Variants in DNAAF1 observed in about 807,000 individuals in gnomAD.
DNAAF1 encodes dynein axonemal assembly factor 1, also known as dynein assembly factor 1, axonemal.
Under a neutral mutation model 71.1 loss-of-function variants are expected in DNAAF1, and 65 were observed. The observed-to-expected ratio is 0.91, with a 90% confidence interval of 0.75 to 1.12. The LOEUF is 1.12. Among genes scored for constraint, DNAAF1 ranks in the 50% most tolerant of loss-of-function variants. The pLI is 0.00. For synonymous variants in DNAAF1, 414 were observed against 354.6 expected, an observed-to-expected ratio of 1.17 and a Z score of -1.88; for missense variants, 1,178 against 899.8, an observed-to-expected ratio of 1.31 and a Z score of -3.96.
chr16:84,177,732 CGACT>C lies in DNAAF1; in HGVS notation c.2072_2075del (p.Thr691ArgfsTer43), dbSNP rs1242972150. ...CAGGTCACCCTTCCTTCCACAGTGC[CGACT>C]GAGAGCGCCGCCACACCCCCAGAGA... On this transcript the variant is annotated frameshift_variant, in exon 12 of 12. Transcript: ENST00000378553. LOFTEE classifies it low-confidence loss of function (END_TRUNC). The C allele has an allele frequency of 1.1e-5, 17 of 1,613,602 alleles. 1 individual carries two copies. In the South Asian group the frequency reaches 1.1e-4, roughly 10 times the overall value.
chr16:84,163,640 A>T (rs2087824397), intron 6 of DNAAF1, among the ~76,000 whole-genome samples: 1 of 151,868 alleles, frequency 6.6e-6, no homozygotes, highest in Non-Finnish European at 1.5e-5. Flanking sequence ...CGGCCTCCCA[A>T]AGTGCTAGGA....
At position 84,165,956 on chromosome 16, in the gene DNAAF1, G is replaced by A. The variant is rs375123598; in HGVS notation, c.1030+7G>A. 45 of 1,612,582 alleles carry A rather than the reference G, an allele frequency of 2.8e-5. No homozygotes were observed. The highest frequency in any genetic ancestry group is 3.7e-5 in the Non-Finnish European group (44 of 1,179,682). ...AGAGAGAGTCAAGAGAGAGGTATGCGCTCGGCCGAAGACAACAGCCCCAGA... is the reference window on the plus strand; with the variant it reads ...AGAGAGAGTCAAGAGAGAGGTATGCACTCGGCCGAAGACAACAGCCCCAGA... On this transcript the variant is annotated splice_region_variant and intron_variant, in intron 7 of 11. Transcript: ENST00000378553.
At chr16:84,151,190 T>C (rs1418994358) in intron 3 of DNAAF1, among the ~76,000 whole-genome samples, 1 of 152,114 alleles carries the variant, frequency 6.6e-6, no homozygotes, top group Non-Finnish European at 1.5e-5. Flanking sequence ...CATTGTTCAT[T>C]TGTCTCTTCA....
At chr16:84,149,172 A>G in intron 2 of DNAAF1, 30 bp downstream of exon 2, 2 of 1,613,422 alleles carry the variant, frequency 1.2e-6, no homozygotes, top group Middle Eastern at 1.6e-4. Flanking sequence ...ATTAGTGCAC[A>G]TTTATGGAGT....
chr16:84,154,292 G>A (rs183232650), intron 3 of DNAAF1, among the ~76,000 whole-genome samples: 1 of 152,122 alleles, frequency 6.6e-6, no homozygotes, highest in African/African-American at 2.4e-5. Context: ...TTCGCAGATG[G>A]CACTTTCTTG....
At chr16:84,174,878 C>A in intron 10 of DNAAF1, 156 bp downstream of exon 10, 1 of 1,018,882 alleles carries the variant, frequency 9.8e-7, no homozygotes, top group Non-Finnish European at 1.5e-6. Flanking sequence ...TCTTTTCAGG[C>A]AGAGTCTGGC....
At position 84,155,919 on chromosome 16, in the gene DNAAF1, G is replaced by A. The variant is rs183281434; in HGVS notation, c.741+170G>A. Among the ~76,000 whole-genome samples the A allele has an allele frequency of 6.6e-5, 10 of 151,374 alleles. No individual in the cohort carries two copies. The East Asian group carries it at 1.2e-3, about 18-fold the overall frequency. On this transcript the variant is annotated intron_variant, in intron 5 of 11. Coordinates refer to ENST00000378553, the MANE Select transcript of DNAAF1 (RefSeq NM_178452.6). ...TGGAGTATCTGAAATGCCAGTTATC[G>A]TATTATTTTACCCACAAATAGTTCA... is the stretch of plus-strand genomic sequence containing the variant.
At position 84,154,650 on chromosome 16, in the gene DNAAF1, G is replaced by A; in HGVS notation, c.426G>A (p.Gln142=). 3 of 1,614,180 alleles carry A rather than the reference G, an allele frequency of 1.9e-6. No homozygotes were observed. The highest frequency in any genetic ancestry group is 2.5e-6 in the Non-Finnish European group (3 of 1,180,034). Residue 142 remains glutamine (Q), a synonymous_variant, in exon 4 of 12, where the codon CAG becomes CAA. Transcript: ENST00000378553. ...RCLWLQSNGI[Q]KIENLEAQTE... is the part of the protein sequence containing the mutation. ...TCTGGCTGCAGAGCAATGGAATACA[G>A]AAAATCGAAAACCTGGAGGCCCAAA...
At chr16:84,163,859 C>A (rs929773943) in intron 6 of DNAAF1, among the ~76,000 whole-genome samples, 1 of 144,512 alleles carries the variant, frequency 6.9e-6, no homozygotes, top group Non-Finnish European at 1.5e-5. Context: ...AATTAATAGA[C>A]TTTTTTTTTT....
intron 10 of DNAAF1, 96 bp downstream of exon 10, chr16:84,174,818 T>G: frequency 2.7e-6 from 4 of 1,487,516 alleles, no homozygotes; most frequent in Non-Finnish European, 3.7e-6. Context: ...AAGTAAAATG[T>G]TCCCTGTGCA....
intron 9 of DNAAF1, chr16:84,172,886 A>T (rs547065160): frequency 9.9e-7 from 1 of 1,009,782 alleles, no homozygotes; most frequent in African/African-American, 1.7e-5. Flanking sequence ...CCTTGAGTGA[A>T]TGTTTGATCG....
At position 84,159,669 on chromosome 16, in the gene DNAAF1, T is replaced by C. The variant is rs749307507; in HGVS notation, c.742-6T>C. On this transcript the variant is annotated splice_polypyrimidine_tract_variant and splice_region_variant and intron_variant, in intron 5 of 11. Transcript: ENST00000378553. ...AATCATTTTGGTTCTGCTTGTCTTC[T>C]TGCAGCGTGTACTGAATTTGATGGG... 14 of 1,609,166 alleles carry C rather than the reference T, an allele frequency of 8.7e-6. No individual in the cohort carries two copies. Among genetic ancestry groups the C allele is most frequent in the African/African-American group, 4.0e-5 (3 of 74,742 alleles).
chr16:84,151,214 G>A (rs907211103), intron 3 of DNAAF1, among the ~76,000 whole-genome samples: 1 of 152,148 alleles, frequency 6.6e-6, no homozygotes, highest in African/African-American at 2.4e-5. Context: ...GCTGCTTGCT[G>A]AGAGTCTACT....
At chr16:84,156,839 C>G (rs142844051) in intron 5 of DNAAF1, among the ~76,000 whole-genome samples, 5,139 of 138,206 alleles carry the variant, frequency 0.037, 288 homozygotes, top group African/African-American at 0.14. Flanking sequence ...CTTTCCTTTT[C>G]TTTCTTTCTT....
At position 84,149,033 on chromosome 16, in the gene DNAAF1, G is replaced by C; in HGVS notation, c.151G>C (p.Val51Leu). 2 of 1,614,100 alleles carry C rather than the reference G, an allele frequency of 1.2e-6. No homozygotes were observed. Among genetic ancestry groups the C allele is most frequent in the Non-Finnish European group, 1.7e-6 (2 of 1,180,014 alleles). ...AATTAATGATCCTAAGGAAATATGT[G>C]TGGGTTCTTCTGACACATCCTACCA... ...EEINDPKEIC[V>L]GSSDTSYHSQ... The change falls in exon 2 of 12, where the codon GTG becomes CTG. Residue 51 changes from valine (V) to leucine (L), a missense_variant. Coordinates refer to ENST00000378553, the MANE Select transcript of DNAAF1 (RefSeq NM_178452.6).
At chr16:84,173,017 G>T in intron 9 of DNAAF1, 1 of 990,950 alleles carries the variant, frequency 1.0e-6, no homozygotes, top group Non-Finnish European at 1.2e-6. Context: ...CCCAAGAACT[G>T]TCCTTTGATG....
chr16:84,172,468 C>T (rs1478750311), intron 9 of DNAAF1, 93 bp downstream of exon 9: 125 of 1,548,536 alleles, frequency 8.1e-5, no homozygotes, highest in Non-Finnish European at 1.1e-4. Flanking sequence ...CTCGATACCC[C>T]AAGTGTGGTC....
intron 9 of DNAAF1, chr16:84,174,104 A>G (rs1392210963): frequency 2.3e-6 from 2 of 888,212 alleles, no homozygotes; most frequent in Admixed American, 1.1e-4. Context: ...CAACTTGCCC[A>G]AAGCCAGACA....
At chr16:84,153,969 T>A (rs1298757606) in intron 3 of DNAAF1, among the ~76,000 whole-genome samples, 4 of 152,080 alleles carry the variant, frequency 2.6e-5, no homozygotes, top group African/African-American at 9.7e-5. Flanking sequence ...CCCCTAGGAT[T>A]CATCAAAGTT....
Sources: gnomAD v4.1 joint callset for allele counts (sites outside exome capture counted in the v4.1 genomes callset) on GRCh38, gnomAD v4.1.1 for gene constraint, MANE v1.5 for transcripts, NCBI Gene and HGNC (gene_info 2026-07-23, HGNC 2026-07-21) for gene names.